The following DNMBP variants were observed in gnomAD, a reference collection of about 807,000 sequenced individuals.
DNMBP encodes dynamin binding protein, also known as dynamin-binding protein.
Under a neutral mutation model 150.0 loss-of-function variants are expected in DNMBP, and 87 were observed. The observed-to-expected ratio is 0.58, with a 90% CI of 0.49 to 0.69. DNMBP has a LOEUF of 0.69. DNMBP is among the 30% of genes least tolerant of loss of function. The pLI, the probability that DNMBP is intolerant of heterozygous loss-of-function variation, is 0.00. For missense variants in DNMBP, 1,774 were observed against 1,949.0 expected, an observed-to-expected ratio of 0.91 and a Z score of 1.69; for synonymous variants, 711 against 750.4, an observed-to-expected ratio of 0.95 and a Z score of 0.86.
chr10:99,896,393 G>A lies in DNMBP; in HGVS notation c.2925C>T (p.Leu975=), dbSNP rs770343296. The A allele has an allele frequency of 2.5e-6, 4 of 1,614,130 alleles. No homozygotes were observed. The highest frequency in any genetic ancestry group is 2.5e-6 in the Non-Finnish European group (3 of 1,180,000). Residue 975 remains leucine (L), a synonymous_variant, in exon 10 of 17, where the codon CTC becomes CTT. Transcript: ENST00000324109. ...NEYKRRKDLV[L]KYRKGDEDSL... is the part of the protein sequence containing the mutation. ...TATCTTCATCACCCTTACGGTACTT[G>A]AGGACTAGGGAGTAAGTCAGAAAAG...
intron 6 of DNMBP, among the ~76,000 whole-genome samples, chr10:99,903,921 AT>A (rs72240738): frequency 0.069 from 9,915 of 144,244 alleles, 634 homozygotes; most frequent in East Asian, 0.31. Context: ...AATAGAATGG[AT>A]TTTTTTTTTT....
In DNMBP at chr10:99,991,801, G is replaced by A. The variant is rs367543830; in HGVS notation, c.-11+18037C>T. Among the ~76,000 whole-genome samples the A allele has an allele frequency of 6.9e-4, 104 of 151,692 alleles. 4 individuals are homozygous for A. The South Asian group carries it at 0.021, about 30-fold the overall frequency. The stretch of plus-strand genomic sequence containing the variant: ...GGCGCCTGTAGTCCCAGCTACTCGG[G>A]AGGCTGAGGCAGGAGAATGGTGTGA... On this transcript the variant is annotated intron_variant, in intron 1 of 16. Transcript: ENST00000324109.
At chr10:99,976,207 GCATCATC>G (rs1315383919) in intron 1 of DNMBP, among the ~76,000 whole-genome samples, 1 of 152,180 alleles carries the variant, frequency 6.6e-6, no homozygotes, top group African/African-American at 2.4e-5. Context: ...CACTGATATA[GCATCATC>G]AGAGAATGTG....
intron 1 of DNMBP, among the ~76,000 whole-genome samples, chr10:99,998,057 A>T (rs1213022158): frequency 1.3e-5 from 2 of 151,450 alleles, no homozygotes; most frequent in Admixed American, 1.3e-4. Context: ...AACACAGTGA[A>T]ACCCCATCTC....
chr10:99,988,388 G>A (rs919944576), intron 1 of DNMBP, among the ~76,000 whole-genome samples: 1 of 152,030 alleles, frequency 6.6e-6, no homozygotes, highest in African/African-American at 2.4e-5. Context: ...TTCGTGCCTG[G>A]CCCACTGGGT....
At chr10:99,994,563 A>G (rs1362643661) in intron 1 of DNMBP, among the ~76,000 whole-genome samples, 1 of 152,188 alleles carries the variant, frequency 6.6e-6, no homozygotes, top group Non-Finnish European at 1.5e-5. Flanking sequence ...GGACAACGCA[A>G]TTGACGTGCC....
intron 1 of DNMBP, among the ~76,000 whole-genome samples, chr10:99,989,619 G>C (rs1290296339): frequency 2.0e-5 from 3 of 152,180 alleles, no homozygotes; most frequent in Non-Finnish European, 1.5e-5. Context: ...ACTGAGACAG[G>C]AGAATCACTT....
intron 1 of DNMBP, among the ~76,000 whole-genome samples, chr10:99,980,767 T>TG (rs34424666): frequency 0.47 from 70,892 of 151,776 alleles, 17,550 homozygotes; most frequent in African/African-American, 0.63. Context: ...TTTGTGCCAC[T>TG]CATTCCAGCC....
Position 99,880,257 on chromosome 10 carries a change from C to T in DNMBP, c.4102G>A (p.Gly1368Ser), listed in dbSNP as rs1438713707. The T allele has an allele frequency of 3.7e-6, 6 of 1,613,948 alleles. No homozygotes were observed. The highest frequency in any genetic ancestry group is 4.2e-6 in the Non-Finnish European group (5 of 1,180,022). ...CGTGGGAACCTGGGGGAGGAGCTGC[C>T]GTGCTCAGACTCTGTGGAGGAGTGG... ...GSHSSTESEH[G>S]SSSPRFPRQN... The change falls in exon 16 of 17, where the codon GGC becomes AGC. Residue 1368 changes from glycine to serine, a missense_variant. By Grantham distance (56) the Gly-to-Ser change is moderately conservative. Transcript: ENST00000324109.
chr10:99,878,420 T>A (rs2133183975), intron 16 of DNMBP, among the ~76,000 whole-genome samples: 1 of 152,332 alleles, frequency 6.6e-6, no homozygotes, highest in Non-Finnish European at 1.5e-5. Context: ...TCGAACTCAA[T>A]CTAAGAAAGG....
At chr10:99,889,911 C>T (rs2039530861) in intron 11 of DNMBP, among the ~76,000 whole-genome samples, 1 of 152,028 alleles carries the variant, frequency 6.6e-6, no homozygotes. Context: ...GACCAGTTAC[C>T]TCTCCTTCCT....
In DNMBP at chr10:99,956,370, A is replaced by C. The variant is rs745486203; in HGVS notation, c.1104T>G (p.Tyr368Ter). The change falls in exon 4 of 17, where the codon TAT becomes TAG. Residue 368 changes from tyrosine to a stop codon, truncating the protein, a stop_gained. Transcript: ENST00000324109. LOFTEE classifies it high-confidence loss of function. Reference sequence around the variant, plus strand: ...CCTGATAAGAGTTTCTGTCTGTGTCATACTCTGAAGTCAGATGACCGAGGG... The same window carrying C: ...CCTGATAAGAGTTTCTGTCTGTGTCCTACTCTGAAGTCAGATGACCGAGGG... ...TSPLGHLTSE[Y>*]DTDRNSYQDE... 6.2e-7 allele frequency: 1 copy of C among 1,613,960 alleles called. No homozygotes were observed. Among genetic ancestry groups the C allele is most frequent in the Non-Finnish European group, 8.5e-7 (1 of 1,180,006 alleles).
intron 12 of DNMBP, 145 bp downstream of exon 12, chr10:99,888,680 T>C: frequency 1.1e-6 from 1 of 937,348 alleles, no homozygotes; most frequent in Non-Finnish European, 1.6e-6. Flanking sequence ...ATGTTGTGAA[T>C]ATCAAACCCC....
intron 4 of DNMBP, among the ~76,000 whole-genome samples, chr10:99,934,345 T>C (rs2040199848): frequency 6.7e-6 from 1 of 150,196 alleles, no homozygotes; most frequent in Non-Finnish European, 1.5e-5. Context: ...AGAGACAGTG[T>C]AACTGGAGTA....
intron 1 of DNMBP, among the ~76,000 whole-genome samples, chr10:100,002,036 T>C (rs2041019046): frequency 6.6e-6 from 1 of 152,102 alleles, no homozygotes; most frequent in Non-Finnish European, 1.5e-5. Context: ...AAGTTTTCTA[T>C]CGATTTTTCC....
At chr10:99,891,946 G>A (rs1401580400) in intron 11 of DNMBP, among the ~76,000 whole-genome samples, 33 of 126,570 alleles carry the variant, frequency 2.6e-4, no homozygotes, top group African/African-American at 6.5e-4. Flanking sequence ...CCGGCCAGCC[G>A]CCCCGTCCGG....
Position 99,956,511 on chromosome 10 carries a change from C to T in DNMBP, c.963G>A (p.Pro321=), listed in dbSNP as rs149043451. 220 of 1,614,086 alleles carry T rather than the reference C, an allele frequency of 1.4e-4. No homozygotes were observed. Among genetic ancestry groups the T allele is most frequent in the Admixed American group, 5.8e-4 (35 of 60,018 alleles). The change falls in exon 4 of 17, where the codon CCG becomes CCA. Residue 321 remains proline, a synonymous_variant. Transcript: ENST00000324109. ...LPQEGSLARI[P]ETSLDCLENT... The stretch of plus-strand genomic sequence containing the variant: ...TCTCCAAACAATCCAAAGAAGTTTC[C>T]GGGATCCTGGCAAGGCTGCCTTCCT...
intron 4 of DNMBP, among the ~76,000 whole-genome samples, chr10:99,921,245 C>T (rs2040019499): frequency 6.6e-6 from 1 of 152,218 alleles, no homozygotes; most frequent in Admixed American, 6.5e-5. Context: ...CCTTTCTGCT[C>T]ACCTACTGTC....
Position 99,955,265 on chromosome 10 carries a change from A to C in DNMBP, c.2209T>G (p.Phe737Val). 6.2e-7 allele frequency: 1 copy of C among 1,614,048 alleles called. No homozygotes were observed. The highest frequency in any genetic ancestry group is 2.2e-5 in the East Asian group (1 of 44,868). ...SRAETLEDLK[F>V]CESNIESLNM... ...AAACTTTCAATGTTACTTTCACAGA[A>C]CTTGAGATCCTCGAGGGTCTCTGCT... Residue 737 changes from phenylalanine to valine, a missense_variant, in exon 4 of 17, where the codon TTC becomes GTC. Transcript: ENST00000324109.
Sources: allele counts gnomAD v4.1 joint callset (sites outside exome capture counted in the v4.1 genomes callset), GRCh38; gene constraint gnomAD v4.1.1; transcripts MANE v1.5; gene names NCBI Gene and HGNC (gene_info 2026-07-23, HGNC 2026-07-21).